The following SRSF7 variants were observed in gnomAD, a reference collection of about 807,000 sequenced individuals.
SRSF7 encodes the protein serine and arginine rich splicing factor 7, also known as serine/arginine-rich splicing factor 7.
SRSF7 carries 15 observed loss-of-function variants against 42.2 expected under a neutral mutation model. The ratio of observed to expected loss-of-function variants is 0.36; its 90% CI spans 0.24 to 0.55. The LOEUF (loss-of-function observed/expected upper bound fraction) is 0.55, where lower values mean the gene tolerates loss of function less well. Among genes scored for constraint, SRSF7 ranks in the 20% least tolerant of loss-of-function variants. SRSF7 has a pLI of 0.88. For synonymous variants in SRSF7, 138 were observed against 107.9 expected, an observed-to-expected ratio of 1.28 and a Z score of -1.73; for missense variants, 181 against 305.9, an observed-to-expected ratio of 0.59 and a Z score of 3.04.
chr2:38,748,715 G>C, intron 3 of SRSF7, 62 bp from the exon 4 acceptor site: 5 of 1,511,048 alleles, frequency 3.3e-6, no homozygotes, highest in Middle Eastern at 3.4e-4. Context: ...AAGAGTTTGT[G>C]TGCCTCTGCT....
Position 38,751,321 on chromosome 2 carries a change from T to C in SRSF7, c.-65A>G. 175 of 1,610,128 alleles carry C rather than the reference T, an allele frequency of 1.1e-4. 1 individual carries two copies. In the South Asian group the frequency reaches 1.7e-3, roughly 16 times the overall value. ...CCCAGGGCTCGAGTGACGCAAAAGCTGACACACACCTTCACCCGCCAAGAG... is the reference window on the plus strand; with the variant it reads ...CCCAGGGCTCGAGTGACGCAAAAGCCGACACACACCTTCACCCGCCAAGAG... On this transcript the variant is annotated 5_prime_UTR_variant, in exon 1 of 8. Transcript: ENST00000313117.
rs547393984 is a variant in SRSF7 at position 38,750,782 on chromosome 2, G to C, written c.28+447C>G. 2.7e-3 allele frequency: 475 copies of C among 178,768 alleles called. 1 individual carries two copies. The highest frequency in any genetic ancestry group is 6.2e-3 in the Admixed American group (111 of 17,790). 11.1% of individuals were successfully genotyped at this position (178,768 alleles called of 1,614,324 possible). A position where few individuals can be genotyped will look rare whatever the true frequency, so the allele number is the denominator to read the frequency against. The stretch of plus-strand genomic sequence containing the variant: ...GTTTGACGAGAACATGCAGCTCACA[G>C]CTGCCAATTTCGTTCTATCTCAAAC... On this transcript the variant is annotated intron_variant, in intron 1 of 7. Coordinates refer to ENST00000313117, the MANE Select transcript of SRSF7 (RefSeq NM_001031684.3).
intron 1 of SRSF7, 143 bp from the exon 2 acceptor site, chr2:38,750,337 A>G (rs1037297892): frequency 1.5e-6 from 1 of 655,644 alleles, no homozygotes. Flanking sequence ...ACTTAGTCGT[A>G]AAACTGGTGA....
chr2:38,744,217 A>AT lies in SRSF7; in HGVS notation c.*915dup. ...GGGAACTGCAAAACCTAGCTTGAAG[A>AT]TTAACAACAGGTCTTTGCTCAGAAT... On this transcript the variant is annotated 3_prime_UTR_variant, in exon 8 of 8. Transcript: ENST00000313117. 1.3e-5 allele frequency: 2 copies of AT among 152,720 alleles called. No individual in the cohort carries two copies. Among genetic ancestry groups the AT allele is most frequent in the South Asian group, 4.1e-4 (2 of 4,830 alleles). 9.5% of individuals were successfully genotyped at this position (152,720 alleles called of 1,614,324 possible).
chr2:38,744,531 G>C lies in SRSF7; in HGVS notation c.*602C>G. 6.6e-6 allele frequency: 1 copy of C among 152,122 alleles called. No homozygotes were observed. Among genetic ancestry groups the C allele is most frequent in the African/African-American group, 2.4e-5 (1 of 41,370 alleles). The allele number at this position is 152,122 out of a possible 1,614,324, so 9.4% of individuals were successfully genotyped here. On this transcript the variant is annotated 3_prime_UTR_variant, in exon 8 of 8. Transcript: ENST00000313117. ...ATTTCTCATACATTTAATCAGTTTC[G>C]TTTAGTTCCTGTCATGCTCATTTAG...
chr2:38,745,941 T>C (rs576673098), intron 7 of SRSF7, among the ~76,000 whole-genome samples: 1 of 152,206 alleles, frequency 6.6e-6, no homozygotes, highest in South Asian at 2.1e-4. Context: ...ACCCTAACAT[T>C]TTATGACTAA....
intron 5 of SRSF7, 129 bp from the exon 6 acceptor site, chr2:38,746,876 A>G: frequency 1.4e-6 from 2 of 1,460,834 alleles, no homozygotes; most frequent in South Asian, 1.3e-5. Flanking sequence ...CACTTGCCTT[A>G]TTCTGTCTAA....
intron 5 of SRSF7, among the ~76,000 whole-genome samples, chr2:38,747,394 A>G (rs1667613627): frequency 6.6e-6 from 1 of 152,234 alleles, no homozygotes; most frequent in Admixed American, 6.5e-5. Flanking sequence ...TTAAACAGCA[A>G]TTTAACTCCC....
chr2:38,751,007 C>T, intron 1 of SRSF7: 1 of 565,518 alleles, frequency 1.8e-6, no homozygotes, highest in Non-Finnish European at 3.2e-6. Flanking sequence ...CTGGATTGGG[C>T]CACAAAAATG....
Position 38,746,160 on chromosome 2 carries a change from G to T in SRSF7, c.646C>A (p.Pro216Thr). 1.2e-6 allele frequency: 2 copies of T among 1,614,084 alleles called. No individual in the cohort carries two copies. The highest frequency in any genetic ancestry group is 2.2e-5 in the South Asian group (2 of 91,078). The change falls in exon 7 of 8, where the codon CCA becomes ACA. Residue 216 changes from proline (P) to threonine (T), a missense_variant. Transcript: ENST00000313117. The stretch of plus-strand genomic sequence containing the variant: ...TTAGCTTACCTTCTTTTTGGAGATG[G>T]AGATCTGGACTTTGATCGGCTGTCA... ...PRSSRSKSRSPSPKRSRSPSG... is the reference protein window; with the variant it reads ...PRSSRSKSRSTSPKRSRSPSG...
At chr2:38,748,461 C>G in intron 4 of SRSF7, 118 bp downstream of exon 4, 1 of 1,043,010 alleles carries the variant, frequency 9.6e-7, no homozygotes, top group Non-Finnish European at 1.5e-6. Flanking sequence ...CCCCTGTACT[C>G]CAGCCCGGGT....
chr2:38,748,505 T>G, intron 4 of SRSF7, 74 bp downstream of exon 4: 53 of 1,492,336 alleles, frequency 3.6e-5, no homozygotes, highest in Non-Finnish European at 4.6e-5. Context: ...AAAAAAATAA[T>G]GAGCTTTTTC....
chr2:38,745,885 A>G (rs1043167237), intron 7 of SRSF7, among the ~76,000 whole-genome samples: 4 of 152,330 alleles, frequency 2.6e-5, no homozygotes, highest in Non-Finnish European at 5.9e-5. Context: ...CTATCTTACC[A>G]AAATTTCTAC....
intron 4 of SRSF7, 66 bp from the exon 5 acceptor site, chr2:38,748,223 C>G (rs111439085): frequency 2.8e-5 from 35 of 1,251,054 alleles, no homozygotes; most frequent in African/African-American, 2.3e-4. Flanking sequence ...AAGACTTCAA[C>G]TGGGGAACGG....
intron 6 of SRSF7, 82 bp downstream of exon 6, chr2:38,746,606 CTTAAAA>C: frequency 2.5e-6 from 4 of 1,579,034 alleles, no homozygotes; most frequent in Non-Finnish European, 3.4e-6. Flanking sequence ...AGAGTTAACA[CTTAAAA>C]TTTCAACAAT....
intron 6 of SRSF7, 72 bp downstream of exon 6, chr2:38,746,622 T>A: frequency 6.3e-7 from 1 of 1,592,024 alleles, no homozygotes; most frequent in South Asian, 1.1e-5. Flanking sequence ...ATTTCAACAA[T>A]TAAAAACACT....
Position 38,748,143 on chromosome 2 carries a change from G to C in SRSF7, c.476C>G (p.Ser159Cys). ...RSRGRRSRSA[S>C]PRRSRSISLR... is the part of the protein sequence containing the mutation. ...AGAGATAGATCTTGATCGTCGAGGA[G>C]ATGCTGACCTTGACCTAAAATAAAG... The change falls in exon 5 of 8, where the codon TCT becomes TGT. Residue 159 changes from serine to cysteine, a missense_variant. Coordinates refer to ENST00000313117, the MANE Select transcript of SRSF7 (RefSeq NM_001031684.3). 1 of 1,612,544 alleles carries C rather than the reference G, an allele frequency of 6.2e-7. No individual in the cohort carries two copies. Among genetic ancestry groups the C allele is most frequent in the Non-Finnish European group, 8.5e-7 (1 of 1,179,186 alleles).
intron 4 of SRSF7, among the ~76,000 whole-genome samples, chr2:38,748,376 G>C (rs376813160): frequency 6.6e-6 from 1 of 152,034 alleles, no homozygotes; most frequent in South Asian, 2.1e-4. Context: ...TACAGTCCCA[G>C]CTACTCGGGA....
chr2:38,747,879 T>G (rs1037585937), intron 5 of SRSF7, among the ~76,000 whole-genome samples, 168 bp downstream of exon 5: 2 of 152,240 alleles, frequency 1.3e-5, no homozygotes, highest in African/African-American at 4.8e-5. Context: ...GCCCTTTTCT[T>G]CATCTGTAAA....
Sources: allele counts gnomAD v4.1 joint callset (sites outside exome capture counted in the v4.1 genomes callset), GRCh38; gene constraint gnomAD v4.1.1; transcripts MANE v1.5; gene names NCBI Gene and HGNC (gene_info 2026-07-23, HGNC 2026-07-21).